KATNB1: variants seen among roughly 807,000 people sequenced by gnomAD.
KATNB1 encodes katanin regulatory subunit B1, also known as katanin p80 WD40 repeat-containing subunit B1.
Under a neutral mutation model 82.3 loss-of-function variants are expected in KATNB1, and 38 were observed. The observed-to-expected ratio is 0.46, with a 90% CI of 0.36 to 0.61. The LOEUF (loss-of-function observed/expected upper bound fraction) is 0.61. Ranked by LOEUF, KATNB1 falls within the 20% of genes least tolerant of loss-of-function variation. KATNB1 has a pLI of 0.00. For synonymous variants in KATNB1, 361 were observed against 368.7 expected (o/e 0.98, Z 0.24); for missense variants, 749 against 915.7 (o/e 0.82, Z 2.35).
chr16:57,747,946 C>CG (rs375804525), intron 4 of KATNB1, among the ~76,000 whole-genome samples: 3 of 152,304 alleles, frequency 2.0e-5, no homozygotes, highest in African/African-American at 7.2e-5. Flanking sequence ...GGCTGCTCCA[C>CG]AAGGAACTCA....
At chr16:57,754,793 G>A (rs1162457765) in intron 13 of KATNB1, 137 bp from the exon 14 acceptor site, 26 of 874,038 alleles carry the variant, frequency 3.0e-5, no homozygotes, top group East Asian at 1.9e-4. Context: ...GAACCCCCAC[G>A]CCACTGGCCT....
At position 57,751,774 on chromosome 16, in the gene KATNB1, G is replaced by A. The variant is rs1555583257; in HGVS notation, c.516+50G>A. 1.1e-5 allele frequency: 17 copies of A among 1,567,588 alleles called. No homozygotes were observed. Among genetic ancestry groups the A allele is most frequent in the Non-Finnish European group, 1.5e-5 (17 of 1,146,556 alleles). ...CAGGGGCTGGGGGCTGGGGTCTGCTGATCACAGCAGGCTGAGTCCTCACCT... is the reference window on the plus strand; with the variant it reads ...CAGGGGCTGGGGGCTGGGGTCTGCTAATCACAGCAGGCTGAGTCCTCACCT... On this transcript the variant is annotated intron_variant, in intron 7 of 19. Transcript: ENST00000379661. The surrounding 1 kb of genome is among the most constrained non-coding windows in gnomAD (Gnocchi z 6.3).
At chr16:57,737,726 G>T (rs115699744) in intron 2 of KATNB1, among the ~76,000 whole-genome samples, 1 of 152,144 alleles carries the variant, frequency 6.6e-6, no homozygotes, top group Non-Finnish European at 1.5e-5. Flanking sequence ...GAGCGAGGAG[G>T]GGCGGGCAGA....
chr16:57,740,616 C>T (rs1259414696), intron 2 of KATNB1, among the ~76,000 whole-genome samples: 4 of 152,204 alleles, frequency 2.6e-5, no homozygotes, highest in South Asian at 4.1e-4. Flanking sequence ...TTTCTCCCTT[C>T]TTTCCAGGAG....
chr16:57,746,486 G>T (rs116135134), intron 4 of KATNB1, among the ~76,000 whole-genome samples: 3,897 of 152,322 alleles, frequency 0.026, 186 homozygotes, highest in African/African-American at 0.09. Flanking sequence ...GTTTCATGCG[G>T]TTGTGGTCTG....
At chr16:57,743,138 C>CA (rs1372207664) in intron 3 of KATNB1, among the ~76,000 whole-genome samples, 1 of 152,132 alleles carries the variant, frequency 6.6e-6, no homozygotes, top group Non-Finnish European at 1.5e-5. Context: ...ACTAAAAACA[C>CA]AAAAATTAGC....
In KATNB1 at chr16:57,752,021, A is replaced by G; in HGVS notation, c.598A>G (p.Asn200Asp). Residue 200 changes from asparagine to aspartate, a missense_variant, in exon 8 of 20, where the codon AAC (asparagine) becomes GAC (aspartate). Transcript: ENST00000379661. ...GPVNVVEFHP[N>D]EYLLASGSSD... Reference sequence around the variant, plus strand: ...TGTCAACGTGGTCGAGTTTCACCCCAACGAGTACCTCCTGGCCTCCGGCAG... The same window carrying G: ...TGTCAACGTGGTCGAGTTTCACCCCGACGAGTACCTCCTGGCCTCCGGCAG... 1 of 1,612,986 alleles carries G rather than the reference A, an allele frequency of 6.2e-7. No homozygotes were observed. Among genetic ancestry groups the G allele is most frequent in the South Asian group, 1.1e-5 (1 of 91,042 alleles).
chr16:57,754,215 G>A (rs1206802814), intron 13 of KATNB1, among the ~76,000 whole-genome samples: 3 of 152,024 alleles, frequency 2.0e-5, no homozygotes, highest in Admixed American at 2.0e-4. Flanking sequence ...GGTGTGTGGG[G>A]GACAAACATG....
chr16:57,740,329 C>T (rs1026377097), intron 2 of KATNB1, among the ~76,000 whole-genome samples: 5 of 152,196 alleles, frequency 3.3e-5, no homozygotes, highest in Admixed American at 2.0e-4. Context: ...ATTCAGCCTG[C>T]GACTTGTCCC....
rs782052905 is a variant in KATNB1 at position 57,752,800 on chromosome 16, G to T, written c.727G>T (p.Gly243Cys). ...CAGGAGCGTCCTCTTCAACCCAGAC[G>T]GCTGCTGCCTGTACAGCGGCTGCCA... is the stretch of plus-strand genomic sequence containing the variant. ...PVRSVLFNPD[G>C]CCLYSGCQDS... The change falls in exon 10 of 20, where the codon GGC (glycine) becomes TGC (cysteine). Residue 243 changes from glycine to cysteine, a missense_variant. Around this residue, in one of 3 missense-constraint regions of KATNB1, gnomAD observed 247 missense variants for 349.4 expected, o/e 0.71. Transcript: ENST00000379661. 1 of 1,610,896 alleles carries T rather than the reference G, an allele frequency of 6.2e-7. No individual in the cohort carries two copies. The highest frequency in any genetic ancestry group is 8.5e-7 in the Non-Finnish European group (1 of 1,179,596).
At position 57,751,639 on chromosome 16, in the gene KATNB1, A is replaced by AG; in HGVS notation, c.435dup. On this transcript the variant is annotated splice_acceptor_variant, in intron 6 of 19. Coordinates refer to ENST00000379661, the MANE Select transcript of KATNB1 (RefSeq NM_005886.3). LOFTEE classifies it high-confidence loss of function. The surrounding 1 kb of genome is among the most constrained non-coding windows in gnomAD (Gnocchi z 6.3). Reference sequence around the variant, plus strand: ...GTGAGCTCATGCCGTGTCCTCCCTCAGGGGCACAGCCAGGCCGTGCGGTGT... The same window carrying AG: ...GTGAGCTCATGCCGTGTCCTCCCTCAGGGGGCACAGCCAGGCCGTGCGGTGT... The AG allele has an allele frequency of 6.2e-7, 1 of 1,610,714 alleles. No homozygotes were observed. Among genetic ancestry groups the AG allele is most frequent in the Non-Finnish European group, 8.5e-7 (1 of 1,179,830 alleles).
Position 57,751,224 on chromosome 16 carries a change from T to A in KATNB1, c.391-37T>A, listed in dbSNP as rs782066838. On this transcript the variant is annotated intron_variant, in intron 5 of 19. Transcript: ENST00000379661. This position sits in a 1 kb window ranked among gnomAD's most constrained non-coding sequence, Gnocchi z 6.3. ...TTCCTCCAGTCGTGGCTCTGACCTCTCCTGACTCTGCCCCTCTGCTTCTCT... is the reference window on the plus strand; with the variant it reads ...TTCCTCCAGTCGTGGCTCTGACCTCACCTGACTCTGCCCCTCTGCTTCTCT... The A allele has an allele frequency of 3.7e-6, 6 of 1,608,994 alleles. No homozygotes were observed. The highest frequency in any genetic ancestry group is 5.1e-6 in the Non-Finnish European group (6 of 1,175,484).
chr16:57,751,210 G>A lies in KATNB1; in HGVS notation c.391-51G>A, dbSNP rs782425553. On this transcript the variant is annotated intron_variant, in intron 5 of 19. Coordinates refer to ENST00000379661, the MANE Select transcript of KATNB1 (RefSeq NM_005886.3). The surrounding 1 kb of genome is among the most constrained non-coding windows in gnomAD (Gnocchi z 6.3). Reference sequence around the variant, plus strand: ...CACGACTGCACACCTTCCTCCAGTCGTGGCTCTGACCTCTCCTGACTCTGC... The same window carrying A: ...CACGACTGCACACCTTCCTCCAGTCATGGCTCTGACCTCTCCTGACTCTGC... 54 of 1,570,560 alleles carry A rather than the reference G, an allele frequency of 3.4e-5. No individual in the cohort carries two copies. The highest frequency in any genetic ancestry group is 5.5e-5 in the South Asian group (5 of 90,190).
intron 3 of KATNB1, among the ~76,000 whole-genome samples, chr16:57,743,875 C>T (rs753828082): frequency 2.1e-4 from 32 of 152,236 alleles, no homozygotes; most frequent in Admixed American, 1.9e-3. Context: ...CTCCTCCAAC[C>T]GCCACAGCCC....
At chr16:57,756,670 C>T in intron 19 of KATNB1, 144 bp from the exon 20 acceptor site, 2 of 1,364,884 alleles carry the variant, frequency 1.5e-6, no homozygotes, top group Admixed American at 2.9e-5. Context: ...CCCACAATCC[C>T]TGGCAGGGCC....
intron 3 of KATNB1, among the ~76,000 whole-genome samples, chr16:57,743,344 T>TA (rs1285369962): frequency 3.9e-5 from 6 of 152,178 alleles, no homozygotes; most frequent in African/African-American, 1.4e-4. Context: ...AGTAGAAACT[T>TA]AATCACCTCA....
Position 57,755,400 on chromosome 16 carries a change from T to A in KATNB1, c.1472T>A (p.Ile491Asn). 1 of 1,613,240 alleles carries A rather than the reference T, an allele frequency of 6.2e-7. No individual in the cohort carries two copies. Among genetic ancestry groups the A allele is most frequent in the Non-Finnish European group, 8.5e-7 (1 of 1,180,016 alleles). Reference protein sequence around the residue: ...ELVDEDAMSQIRKGHDTMCVV... With the variant: ...ELVDEDAMSQNRKGHDTMCVV... ...GTGGACGAGGATGCCATGTCACAGA[T>A]CCGCAAAGGCCACGACACCATGTGT... Residue 491 changes from isoleucine (I) to asparagine (N), a missense_variant, in exon 16 of 20, where the codon ATC becomes AAC. Ile to Asn is a moderately radical substitution (Grantham distance 149). Coordinates refer to ENST00000379661, the MANE Select transcript of KATNB1 (RefSeq NM_005886.3).
intron 4 of KATNB1, among the ~76,000 whole-genome samples, chr16:57,750,385 T>C (rs1245627714): frequency 6.6e-6 from 1 of 152,186 alleles, no homozygotes; most frequent in Admixed American, 6.5e-5. Context: ...ATACCAGCGC[T>C]TTGGGAGGCC....
chr16:57,740,811 T>TC (rs2148788727), intron 2 of KATNB1, among the ~76,000 whole-genome samples: 1 of 152,128 alleles, frequency 6.6e-6, no homozygotes, highest in South Asian at 2.1e-4. Flanking sequence ...AGCTGCTCAG[T>TC]CTGTTGCCTC....
Sources: allele counts gnomAD v4.1 joint callset (sites outside exome capture counted in the v4.1 genomes callset), GRCh38; gene constraint gnomAD v4.1.1; regional missense constraint gnomAD v4.1.1; non-coding constraint Gnocchi (gnomAD v3.1); transcripts MANE v1.5; gene names NCBI Gene and HGNC (gene_info 2026-07-23, HGNC 2026-07-21).